PCDHA1: variants seen among roughly 807,000 people sequenced by gnomAD.
PCDHA1 encodes the protein protocadherin alpha 1, also known as protocadherin alpha-1.
PCDHA1 carries 42 observed loss-of-function variants against 61.3 expected under a neutral mutation model. That is an observed-to-expected ratio of 0.69 (90% CI 0.54 to 0.89). PCDHA1 has a LOEUF of 0.89. PCDHA1 is among the 40% of genes least tolerant of loss of function. PCDHA1 has a pLI of 0.00. For synonymous variants in PCDHA1, 610 were observed against 553.8 expected, an observed-to-expected ratio of 1.10 and a Z score of -1.43; for missense variants, 1,256 against 1,235.3, an observed-to-expected ratio of 1.02 and a Z score of -0.25.
intron 1 of PCDHA1, among the ~76,000 whole-genome samples, chr5:140,902,974 AGGTT>A (rs2069912537): frequency 6.6e-6 from 1 of 152,178 alleles, no homozygotes. Context: ...ATGGGCATTT[AGGTT>A]GGTTCCATAT....
At chr5:140,809,415 G>T (rs145922941) in intron 1 of PCDHA1, 3 of 1,614,124 alleles carry the variant, frequency 1.9e-6, no homozygotes, top group South Asian at 2.2e-5. Context: ...GTGTGCTCCA[G>T]TGCGGTGGGG....
intron 1 of PCDHA1, among the ~76,000 whole-genome samples, chr5:140,953,877 ACCCATCAC>A (rs1252251050): frequency 6.6e-6 from 1 of 152,098 alleles, no homozygotes; most frequent in Non-Finnish European, 1.5e-5. Context: ...GCACAGATCA[ACCCATCAC>A]CTAGGTATTA....
At chr5:140,927,419 G>A (rs781883331) in intron 1 of PCDHA1, 1 of 1,614,140 alleles carries the variant, frequency 6.2e-7, no homozygotes, top group South Asian at 1.1e-5. Flanking sequence ...ATGGGATCGC[G>A]GGTTGACGGC....
chr5:140,966,691 G>A, intron 1 of PCDHA1: 3 of 1,349,440 alleles, frequency 2.2e-6, no homozygotes, highest in Non-Finnish European at 1.9e-6. Context: ...GCGGAGGCGG[G>A]GCCCGGGCGT....
At chr5:140,801,078 T>C in intron 1 of PCDHA1, 1 of 1,478,150 alleles carries the variant, frequency 6.8e-7, no homozygotes, top group Non-Finnish European at 8.9e-7. Context: ...AGATACTGCT[T>C]TGCTTCATCC....
chr5:140,935,561 T>C (rs1184981109), intron 1 of PCDHA1, among the ~76,000 whole-genome samples: 3 of 152,218 alleles, frequency 2.0e-5, no homozygotes, highest in African/African-American at 7.2e-5. Context: ...TTGGAAAAGT[T>C]CCTCTCTGTG....
At chr5:140,908,021 C>T (rs958070573) in intron 1 of PCDHA1, among the ~76,000 whole-genome samples, 28 of 152,314 alleles carry the variant, frequency 1.8e-4, no homozygotes, top group African/African-American at 6.7e-4. Flanking sequence ...TGGCTACAGC[C>T]CATTAATCAG....
rs781974273 is a variant in PCDHA1, at chr5:140,871,561, T to TC, written c.2394+82878dup. 4.7e-6 allele frequency: 7 copies of TC among 1,485,828 alleles called. No homozygotes were observed. In the African/African-American group the frequency reaches 9.9e-5, roughly 21 times the overall value. 92.0% of individuals were successfully genotyped at this position (1,485,828 alleles called of 1,614,324 possible). ...AAATTATTTAAAATCCAGTTTTTTT[T>TC]CACGGATTTTTTAAGGGAAAGTTTT... is the stretch of plus-strand genomic sequence containing the variant. On this transcript the variant is annotated intron_variant, in intron 1 of 3. Coordinates refer to ENST00000504120, the MANE Select transcript of PCDHA1 (RefSeq NM_018900.4).
intron 1 of PCDHA1, among the ~76,000 whole-genome samples, chr5:140,938,157 G>A (rs532966795): frequency 6.6e-6 from 1 of 151,904 alleles, no homozygotes; most frequent in East Asian, 1.9e-4. Context: ...CATTGCCCAG[G>A]CTAGTCTGGA....
At chr5:140,822,745 A>G (rs1767421086) in intron 1 of PCDHA1, 7 of 1,613,644 alleles carry the variant, frequency 4.3e-6, no homozygotes, top group South Asian at 2.2e-5. Context: ...TGCCATGGAT[A>G]AAAGTACATT....
intron 1 of PCDHA1, among the ~76,000 whole-genome samples, chr5:140,905,708 C>T (rs1372981287): frequency 1.1e-4 from 16 of 152,092 alleles, no homozygotes; most frequent in Non-Finnish European, 1.6e-4. Context: ...TTATGATTTC[C>T]TTCAGCAGTG....
Position 140,849,623 on chromosome 5 carries a change from C to T in PCDHA1, c.2394+60939C>T, listed in dbSNP as rs1554143110. 1.3e-5 allele frequency: 21 copies of T among 1,598,756 alleles called. 2 individuals are homozygous for T. The highest frequency in any genetic ancestry group is 1.5e-5 in the Non-Finnish European group (18 of 1,167,974). ...TTATTGCCCTGATTAGTGTGATCGA[C>T]CTAGACGCAGATGCCAACGGGCAGG... On this transcript the variant is annotated intron_variant, in intron 1 of 3. Transcript: ENST00000504120.
chr5:140,885,936 T>G (rs994325798), intron 1 of PCDHA1, among the ~76,000 whole-genome samples: 5 of 152,198 alleles, frequency 3.3e-5, no homozygotes, highest in Admixed American at 6.5e-5. Context: ...ATCTATTTTT[T>G]GACATTTTTA....
chr5:140,999,797 T>C (rs2097876830), intron 3 of PCDHA1, among the ~76,000 whole-genome samples: 1 of 152,202 alleles, frequency 6.6e-6, no homozygotes, highest in African/African-American at 2.4e-5. Context: ...CAGAGTTATT[T>C]TGGGCACAAA....
At chr5:140,836,109 G>T (rs2150253080) in intron 1 of PCDHA1, 6 of 1,613,610 alleles carry the variant, frequency 3.7e-6, no homozygotes, top group Non-Finnish European at 5.1e-6. Context: ...CACTGGTGGC[G>T]CAGTGAGAGA....
chr5:140,978,526 A>G (rs1197468187), intron 1 of PCDHA1, among the ~76,000 whole-genome samples: 5 of 152,248 alleles, frequency 3.3e-5, no homozygotes, highest in Admixed American at 2.0e-4. Flanking sequence ...CAGCCAGGCC[A>G]GCAGAACTTG....
At chr5:140,865,116 G>T (rs2048743320) in intron 1 of PCDHA1, 1 of 152,144 alleles carries the variant, frequency 6.6e-6, no homozygotes, top group Non-Finnish European at 1.5e-5. Flanking sequence ...GACAATTGTG[G>T]TGTTAATTAT....
intron 1 of PCDHA1, chr5:140,829,221 T>C (rs1206771984): frequency 1.9e-6 from 3 of 1,614,108 alleles, no homozygotes; most frequent in Non-Finnish European, 2.5e-6. Context: ...GTGAACGACC[T>C]CGATTCAGGT....
chr5:140,862,831 G>A (rs782083560), intron 1 of PCDHA1: 2 of 572,766 alleles, frequency 3.5e-6, no homozygotes, highest in Admixed American at 1.9e-5. Context: ...AGCGCGCGAC[G>A]CGGGCATGCC....
Sources: gnomAD v4.1 joint callset for allele counts (sites outside exome capture counted in the v4.1 genomes callset) on GRCh38, gnomAD v4.1.1 for gene constraint, MANE v1.5 for transcripts, NCBI Gene and HGNC (gene_info 2026-07-23, HGNC 2026-07-21) for gene names.